Variants in MED1 observed in about 807,000 individuals in gnomAD.
MED1 encodes the protein mediator of RNA polymerase II transcription subunit 1.
Under a neutral mutation model 121.3 loss-of-function variants are expected in MED1, and 17 were observed. The ratio of observed to expected loss-of-function variants is 0.14; its 90% CI spans 0.10 to 0.21. MED1 has a LOEUF of 0.21. Among genes scored for constraint, MED1 ranks in the 10% least tolerant of loss-of-function variants. The pLI, the probability that MED1 is intolerant of heterozygous loss-of-function variation, is 1.00. For synonymous variants in MED1, 661 were observed against 694.4 expected, an observed-to-expected ratio of 0.95 and a Z score of 0.76; for missense variants, 1,558 against 1,919.4, an observed-to-expected ratio of 0.81 and a Z score of 3.52.
intron 6 of MED1, among the ~76,000 whole-genome samples, chr17:39,436,077 A>C (rs1184831599): frequency 2.0e-5 from 3 of 151,758 alleles, no homozygotes; most frequent in African/African-American, 7.3e-5. Context: ...ATCTCGAAAA[A>C]AAAGGCCGGG....
rs1378310736 is a variant in MED1 at position 39,408,090 on chromosome 17, C to T, written c.4131G>A (p.Lys1377=). 2 of 1,614,156 alleles carry T rather than the reference C, an allele frequency of 1.2e-6. No individual in the cohort carries two copies. The highest frequency in any genetic ancestry group is 8.5e-7 in the Non-Finnish European group (1 of 1,180,030). The part of the protein sequence containing the change: ...TSGSSVDSSK[K]TSESKNVGST... The stretch of plus-strand genomic sequence containing the variant: ...TCCCCACATTTTTTGACTCTGAGGT[C>T]TTCTTAGAAGAATCCACTGAACTCC... Residue 1377 remains lysine, a synonymous_variant, in exon 17 of 17, where the codon AAG becomes AAA. Coordinates refer to ENST00000300651, the MANE Select transcript of MED1 (RefSeq NM_004774.4). The surrounding 1 kb of genome is among the most constrained non-coding windows in gnomAD (Gnocchi z 4.7).
chr17:39,405,607 C>G lies in MED1; in HGVS notation c.*1868G>C, dbSNP rs2048296899. The G allele has an allele frequency of 2.5e-6, 3 of 1,176,998 alleles. No homozygotes were observed. The highest frequency in any genetic ancestry group is 3.2e-6 in the Non-Finnish European group (3 of 948,170). The allele number at this position is 1,176,998 out of a possible 1,614,324, so 72.9% of individuals were successfully genotyped here. A position where few individuals can be genotyped will look rare whatever the true frequency, so the allele number is the denominator to read the frequency against. ...GCACTCTGGTATCACCTGCCCATAT[C>G]CTCCTTAGTGTCACCCAAGACATTT... On this transcript the variant is annotated 3_prime_UTR_variant, in exon 17 of 17. Transcript: ENST00000300651.
chr17:39,447,258 G>A (rs2048736684), intron 2 of MED1, among the ~76,000 whole-genome samples: 1 of 152,010 alleles, frequency 6.6e-6, no homozygotes, highest in South Asian at 2.1e-4. Flanking sequence ...GGGCGTGGTG[G>A]CGCATGCCTG....
In MED1 at chr17:39,408,719, T is replaced by C; in HGVS notation, c.3502A>G (p.Ser1168Gly). ...ITKHGLSSGSSSTKMKPQGKP... is the reference protein window; with the variant it reads ...ITKHGLSSGSGSTKMKPQGKP... ...CCTTGAGGTTTCATCTTGGTGCTGC[T>C]AGAGCCACTGCTCAGTCCATGCTTG... Residue 1168 changes from serine to glycine, a missense_variant, in exon 17 of 17, where the codon AGC becomes GGC. Coordinates refer to ENST00000300651, the MANE Select transcript of MED1 (RefSeq NM_004774.4). The surrounding 1 kb of genome is among the most constrained non-coding windows in gnomAD (Gnocchi z 4.7). 6.2e-7 allele frequency: 1 copy of C among 1,614,230 alleles called. No individual in the cohort carries two copies. Among genetic ancestry groups the C allele is most frequent in the Middle Eastern group, 1.6e-4 (1 of 6,062 alleles).
chr17:39,408,727 C>T lies in MED1; in HGVS notation c.3494G>A (p.Ser1165Asn). Residue 1165 changes from serine to asparagine, a missense_variant, in exon 17 of 17, where the codon AGT becomes AAT. Physicochemically the swap from Ser to Asn is conservative, Grantham distance 46. This residue lies in a region of MED1 where 793 missense variants were observed against 898.2 expected (regional missense o/e 0.88). Transcript: ENST00000300651. The surrounding 1 kb of genome is among the most constrained non-coding windows in gnomAD (Gnocchi z 4.7). ...SSPITKHGLS[S>N]GSSSTKMKPQ... ...TTTCATCTTGGTGCTGCTAGAGCCA[C>T]TGCTCAGTCCATGCTTGGTTATGGG... The T allele has an allele frequency of 6.2e-7, 1 of 1,614,242 alleles. No homozygotes were observed. The highest frequency in any genetic ancestry group is 8.5e-7 in the Non-Finnish European group (1 of 1,180,036).
rs910989430 is a variant in MED1 at position 39,405,898 on chromosome 17, A to C, written c.*1577T>G. ...ACTCCACTTACGACATAACACACAA[A>C]GGAATCACCTGGCTTTTTTTTTTTA... On this transcript the variant is annotated 3_prime_UTR_variant, in exon 17 of 17. Transcript: ENST00000300651. 4.1e-6 allele frequency: 4 copies of C among 985,292 alleles called. No individual in the cohort carries two copies. The highest frequency in any genetic ancestry group is 2.4e-6 in the Non-Finnish European group (2 of 829,882). The allele number at this position is 985,292 out of a possible 1,614,324, so 61.0% of individuals were successfully genotyped here.
chr17:39,439,130 G>A (rs374803234), intron 6 of MED1, 35 bp downstream of exon 6: 125 of 1,581,890 alleles, frequency 7.9e-5, no homozygotes, highest in Non-Finnish European at 1.0e-4. Flanking sequence ...AGCACTGTCT[G>A]TCAATATCAA....
intron 16 of MED1, among the ~76,000 whole-genome samples, chr17:39,413,644 G>A (rs1001486483): frequency 2.0e-5 from 3 of 151,944 alleles, no homozygotes; most frequent in Non-Finnish European, 2.9e-5. Flanking sequence ...CTAGGTGGAA[G>A]GATAACCTGA....
chr17:39,445,542 AT>A (rs1481053861), intron 2 of MED1: 1 of 152,052 alleles, frequency 6.6e-6, no homozygotes, highest in Non-Finnish European at 1.5e-5. Context: ...TGATGTACCA[AT>A]AAAATTAGGT....
intron 9 of MED1, among the ~76,000 whole-genome samples, chr17:39,430,761 T>C (rs1486370693): frequency 2.0e-5 from 3 of 151,150 alleles, no homozygotes; most frequent in Non-Finnish European, 4.4e-5. Context: ...CTCATGCCTG[T>C]AATCCCAGCA....
chr17:39,434,832 C>T, intron 6 of MED1, among the ~76,000 whole-genome samples: 1 of 151,946 alleles, frequency 6.6e-6, no homozygotes, highest in East Asian at 1.9e-4. Context: ...TGGATGTCAA[C>T]AAAAATAAAA....
chr17:39,420,440 A>G (rs2048451554), intron 13 of MED1, among the ~76,000 whole-genome samples: 1 of 152,002 alleles, frequency 6.6e-6, no homozygotes. Flanking sequence ...TGACTTCGTG[A>G]TCCACCCACC....
chr17:39,425,038 C>T (rs1447704206), intron 10 of MED1, among the ~76,000 whole-genome samples: 1 of 152,048 alleles, frequency 6.6e-6, no homozygotes, highest in Non-Finnish European at 1.5e-5. Context: ...CATCACCATG[C>T]CCGGCTAATT....
chr17:39,445,260 T>C (rs2048715433), intron 2 of MED1, among the ~76,000 whole-genome samples: 2 of 151,970 alleles, frequency 1.3e-5, no homozygotes, highest in South Asian at 4.2e-4. Flanking sequence ...ATGCCCAGAC[T>C]GGAGTGCAGT....
At chr17:39,422,039 AATGGCATG>A (rs1443570806) in intron 13 of MED1, among the ~76,000 whole-genome samples, 1 of 149,702 alleles carries the variant, frequency 6.7e-6, no homozygotes, top group Admixed American at 6.7e-5. Flanking sequence ...GAGGCAGGAG[AATGGCATG>A]AACCCGGGAG....
intron 2 of MED1, among the ~76,000 whole-genome samples, chr17:39,444,307 G>C (rs1318509514): frequency 6.6e-6 from 1 of 151,882 alleles, no homozygotes; most frequent in Non-Finnish European, 1.5e-5. Context: ...AAGAGACTGA[G>C]ACCATCCTGG....
Position 39,409,251 on chromosome 17 carries a change from G to C in MED1, c.2970C>G (p.Ser990Arg), listed in dbSNP as rs766644567. The C allele has an allele frequency of 1.2e-6, 2 of 1,613,966 alleles. No homozygotes were observed. The highest frequency in any genetic ancestry group is 2.2e-5 in the East Asian group (1 of 44,898). The stretch of plus-strand genomic sequence containing the variant: ...GGGTCCGACTGCGCTTCCCTGGTTT[G>C]CTGTCTAATCCGGGCCCCGAGAGAG... ...NSTLSGPGLD[S>R]KPGKRSRTPS... Residue 990 changes from serine to arginine, a missense_variant, in exon 17 of 17, where the codon AGC becomes AGG. Around this residue, in one of 5 missense-constraint regions of MED1, gnomAD observed 793 missense variants for 898.2 expected, o/e 0.88. Coordinates refer to ENST00000300651, the MANE Select transcript of MED1 (RefSeq NM_004774.4).
chr17:39,440,247 T>C lies in MED1; in HGVS notation c.399+139A>G, dbSNP rs1286930493. The C allele has an allele frequency of 2.5e-6, 2 of 805,152 alleles. No individual in the cohort carries two copies. Among genetic ancestry groups the C allele is most frequent in the Non-Finnish European group, 3.7e-6 (2 of 534,468 alleles). 49.9% of individuals were successfully genotyped at this position (805,152 alleles called of 1,614,324 possible). On this transcript the variant is annotated intron_variant, in intron 5 of 16. Coordinates refer to ENST00000300651, the MANE Select transcript of MED1 (RefSeq NM_004774.4). The surrounding 1 kb of genome is among the most constrained non-coding windows in gnomAD (Gnocchi z 4.1). ...TAAATCCCATTCTATAGCTGTTGAT[T>C]TTGTAGCCCATCACATCATCTCTAC...
chr17:39,415,203 A>C (rs775731760), intron 15 of MED1, 41 bp downstream of exon 15: 1 of 1,608,680 alleles, frequency 6.2e-7, no homozygotes, highest in Non-Finnish European at 8.5e-7. Flanking sequence ...CATAGGGACC[A>C]AACCGCTCCA....
Sources: gnomAD v4.1 joint callset for allele counts (sites outside exome capture counted in the v4.1 genomes callset) on GRCh38, gnomAD v4.1.1 for gene constraint, gnomAD v4.1.1 regional missense constraint, Gnocchi (gnomAD v3.1) non-coding constraint, MANE v1.5 for transcripts, NCBI Gene and HGNC (gene_info 2026-07-23, HGNC 2026-07-21) for gene names.